Variants in GIPC2 observed in about 807,000 individuals in gnomAD.
The protein encoded by GIPC2 is GIPC PDZ domain containing family member 2, also known as PDZ domain-containing protein GIPC2.
GIPC2 carries 30 observed loss-of-function variants against 30.6 expected under a neutral mutation model. That is an observed-to-expected ratio of 0.98 (90% CI 0.73 to 1.33). The LOEUF (loss-of-function observed/expected upper bound fraction) is 1.33. Ranked by LOEUF, GIPC2 falls within the 40% of genes most tolerant of loss-of-function variation. GIPC2 has a pLI of 0.00. For missense variants in GIPC2, 414 were observed against 390.3 expected, an observed-to-expected ratio of 1.06 and a Z score of -0.51; for synonymous variants, 167 against 150.0, an observed-to-expected ratio of 1.11 and a Z score of -0.83.
chr1:78,125,058 G>T (rs1170943097), intron 4 of GIPC2, among the ~76,000 whole-genome samples: 5 of 152,098 alleles, frequency 3.3e-5, no homozygotes, highest in South Asian at 2.1e-4. Context: ...CTGAGACAGG[G>T]TCTTGTCCTG....
intron 1 of GIPC2, among the ~76,000 whole-genome samples, chr1:78,055,683 T>A (rs1661276011): frequency 6.6e-6 from 1 of 152,152 alleles, no homozygotes; most frequent in East Asian, 1.9e-4. Flanking sequence ...TTATTAAACT[T>A]CCTAAGAAAG....
chr1:78,049,362 G>T (rs1661153332), intron 1 of GIPC2, among the ~76,000 whole-genome samples: 1 of 152,112 alleles, frequency 6.6e-6, no homozygotes, highest in African/African-American at 2.4e-5. Flanking sequence ...CACCATGTTG[G>T]CCAGGCTGGT....
chr1:78,091,448 C>T, intron 2 of GIPC2: 1 of 597,350 alleles, frequency 1.7e-6, no homozygotes, highest in Non-Finnish European at 3.0e-6. Context: ...GGGCCTTTGC[C>T]TGGCTTGGTG....
intron 3 of GIPC2, among the ~76,000 whole-genome samples, chr1:78,097,645 G>A (rs1662162607): frequency 6.6e-6 from 1 of 152,046 alleles, no homozygotes; most frequent in African/African-American, 2.4e-5. Context: ...CACTTCCAGG[G>A]GCCATTATAT....
At chr1:78,125,840 T>C in intron 4 of GIPC2, 41 bp from the exon 5 acceptor site, 1 of 1,085,082 alleles carries the variant, frequency 9.2e-7, no homozygotes, top group Non-Finnish European at 1.4e-6. Context: ...AATCAAGAGA[T>C]TTTGTTGTAT....
intron 1 of GIPC2, among the ~76,000 whole-genome samples, chr1:78,049,763 A>G (rs1281903935): frequency 6.6e-6 from 1 of 152,176 alleles, no homozygotes; most frequent in Non-Finnish European, 1.5e-5. Flanking sequence ...GACTCTGAGA[A>G]GTTAAATAGG....
intron 3 of GIPC2, among the ~76,000 whole-genome samples, chr1:78,117,143 C>T (rs1158809923): frequency 6.6e-6 from 1 of 152,140 alleles, no homozygotes; most frequent in Non-Finnish European, 1.5e-5. Context: ...AACAAATTTA[C>T]AAGAAAAAAA....
chr1:78,129,319 A>G (rs1185678788), intron 5 of GIPC2, among the ~76,000 whole-genome samples: 3 of 152,226 alleles, frequency 2.0e-5, no homozygotes, highest in African/African-American at 7.2e-5. Context: ...TGAAATATAA[A>G]TCACAAGTGT....
At chr1:78,134,788 C>G (rs1249821498) in intron 5 of GIPC2, among the ~76,000 whole-genome samples, 1 of 152,128 alleles carries the variant, frequency 6.6e-6, no homozygotes. Context: ...TTTGGCGTTT[C>G]CCTTTCACAT....
intron 2 of GIPC2, among the ~76,000 whole-genome samples, chr1:78,094,388 C>T (rs373633407): frequency 4.6e-5 from 7 of 152,200 alleles, no homozygotes; most frequent in African/African-American, 1.7e-4. Context: ...AATGAACAAT[C>T]GCACTGTGGT....
intron 1 of GIPC2, among the ~76,000 whole-genome samples, chr1:78,051,314 T>C (rs1013967526): frequency 2.0e-5 from 3 of 152,160 alleles, no homozygotes; most frequent in Non-Finnish European, 4.4e-5. Context: ...AAACTGGAAA[T>C]TCAGATGCAG....
At chr1:78,115,832 CTTATGTT>C (rs1246349428) in intron 3 of GIPC2, among the ~76,000 whole-genome samples, 4 of 152,238 alleles carry the variant, frequency 2.6e-5, no homozygotes, top group African/African-American at 9.6e-5. Context: ...CAGAGGAAGA[CTTATGTT>C]TTATGTTTTG....
intron 1 of GIPC2, among the ~76,000 whole-genome samples, chr1:78,074,792 T>C (rs778647888): frequency 7.2e-5 from 11 of 152,194 alleles, no homozygotes; most frequent in Non-Finnish European, 1.5e-4. Flanking sequence ...GGAGGAGAGA[T>C]TGTCTGAAAT....
intron 5 of GIPC2, among the ~76,000 whole-genome samples, chr1:78,129,371 T>C (rs183376864): frequency 1.3e-5 from 2 of 152,374 alleles, no homozygotes; most frequent in African/African-American, 4.8e-5. Flanking sequence ...TGTATAAATA[T>C]TCTCAGTATT....
intron 5 of GIPC2, among the ~76,000 whole-genome samples, chr1:78,127,712 C>T (rs1662807182): frequency 6.6e-6 from 1 of 152,124 alleles, no homozygotes; most frequent in South Asian, 2.1e-4. Flanking sequence ...ATTTTTGAGA[C>T]AGGATCTCAC....
At chr1:78,091,513 C>T (rs1662037856) in intron 2 of GIPC2, 9 of 729,798 alleles carry the variant, frequency 1.2e-5, no homozygotes, top group Admixed American at 7.3e-5. Flanking sequence ...CTCCCAAAGG[C>T]AGCTCCAAAC....
At chr1:78,072,448 A>G (rs1470427100) in intron 1 of GIPC2, among the ~76,000 whole-genome samples, 6 of 143,390 alleles carry the variant, frequency 4.2e-5, no homozygotes, top group Non-Finnish European at 7.9e-5. Context: ...ATTATGTAGC[A>G]TAAGACACTC....
chr1:78,106,515 G>A (rs772867068), intron 3 of GIPC2, among the ~76,000 whole-genome samples: 5 of 151,934 alleles, frequency 3.3e-5, no homozygotes, highest in African/African-American at 2.4e-5. Context: ...AGCAGAGATC[G>A]CACCACTGCA....
At chr1:78,058,866 A>G (rs1041528466) in intron 1 of GIPC2, among the ~76,000 whole-genome samples, 1 of 152,208 alleles carries the variant, frequency 6.6e-6, no homozygotes, top group Non-Finnish European at 1.5e-5. Flanking sequence ...AAAATGATTC[A>G]TCAGTTATTC....
Sources: allele counts gnomAD v4.1 joint callset (sites outside exome capture counted in the v4.1 genomes callset), GRCh38; gene constraint gnomAD v4.1.1; transcripts MANE v1.5; gene names NCBI Gene and HGNC (gene_info 2026-07-23, HGNC 2026-07-21).